DPY19L4: variants seen among roughly 807,000 people sequenced by gnomAD.
DPY19L4 encodes the protein probable C-mannosyltransferase DPY19L4.
In DPY19L4, 97 loss-of-function variants were observed where a neutral mutation model predicts 102.8. That is an observed-to-expected ratio of 0.94 (90% CI 0.80 to 1.12). The LOEUF (loss-of-function observed/expected upper bound fraction) is 1.12. Among genes scored for constraint, DPY19L4 ranks in the 50% most tolerant of loss-of-function variants. The pLI, the probability that DPY19L4 is intolerant of heterozygous loss-of-function variation, is 0.00. For missense variants in DPY19L4, 815 were observed against 850.4 expected (o/e 0.96, Z 0.52); for synonymous variants, 252 against 283.1 (o/e 0.89, Z 1.10).
intron 4 of DPY19L4, 67 bp downstream of exon 4, chr8:94,738,526 T>C (rs1811293623): frequency 9.8e-7 from 1 of 1,022,194 alleles, no homozygotes; most frequent in Non-Finnish European, 1.3e-6. Context: ...CTTTTTTTTT[T>C]TTTTCCGAGA....
intron 6 of DPY19L4, among the ~76,000 whole-genome samples, chr8:94,743,760 C>G (rs1811549962): frequency 1.3e-5 from 2 of 152,210 alleles, no homozygotes; most frequent in South Asian, 4.1e-4. Flanking sequence ...AATCCCAACA[C>G]TTAGGGAGGC....
chr8:94,737,143 G>A (rs564078729), intron 3 of DPY19L4, among the ~76,000 whole-genome samples: 162 of 152,166 alleles, frequency 1.1e-3, no homozygotes, highest in African/African-American at 3.7e-3. Flanking sequence ...TGTTAATTTG[G>A]AAGGTGAGGA....
intron 10 of DPY19L4, 60 bp from the exon 11 acceptor site, chr8:94,766,552 A>G (rs1442934651): frequency 6.7e-7 from 1 of 1,493,430 alleles, no homozygotes. Flanking sequence ...TATTGGGGAA[A>G]GCATATGTTT....
chr8:94,765,386 C>G, intron 9 of DPY19L4, 72 bp downstream of exon 9: 1 of 1,447,242 alleles, frequency 6.9e-7, no homozygotes, highest in Non-Finnish European at 9.4e-7. Flanking sequence ...ACTCTGTTGC[C>G]CAGGCTGGAG....
Position 94,780,412 on chromosome 8 carries a change from A to G in DPY19L4, c.1629A>G (p.Lys543=). 1 of 1,455,952 alleles carries G rather than the reference A, an allele frequency of 6.9e-7. No individual in the cohort carries two copies. Among genetic ancestry groups the G allele is most frequent in the East Asian group, 2.4e-5 (1 of 42,458 alleles). The allele number at this position is 1,455,952 out of a possible 1,614,324, so 90.2% of individuals were successfully genotyped here. A position where few individuals can be genotyped will look rare whatever the true frequency, so the allele number is the denominator to read the frequency against. ...CTATAATAGGTCTCAGCTTATGGAA[A>G]GAGGTAAAAAAATTAGATTTTTATA... ...VPTIIGLSLW[K]EFFPRLMTEL... The change falls in exon 15 of 19, where the codon AAA becomes AAG. Residue 543 remains lysine, a synonymous_variant. Transcript: ENST00000414645.
chr8:94,729,345 C>T (rs1225353395), intron 2 of DPY19L4, among the ~76,000 whole-genome samples: 1 of 151,864 alleles, frequency 6.6e-6, no homozygotes, highest in East Asian at 1.9e-4. Context: ...GCACTCCAGC[C>T]TGGGTGACAG....
chr8:94,722,444 T>G (rs1810506082), intron 1 of DPY19L4, among the ~76,000 whole-genome samples: 1 of 152,140 alleles, frequency 6.6e-6, no homozygotes, highest in South Asian at 2.1e-4. Context: ...GATTTTTGGT[T>G]GTAGAATTAC....
intron 16 of DPY19L4, among the ~76,000 whole-genome samples, chr8:94,783,317 T>C (rs1813513909): frequency 6.6e-6 from 1 of 152,200 alleles, no homozygotes; most frequent in South Asian, 2.1e-4. Flanking sequence ...ATTCACAGTA[T>C]CATCACTGAA....
intron 2 of DPY19L4, among the ~76,000 whole-genome samples, chr8:94,733,034 A>G (rs7824332): frequency 0.74 from 110,278 of 149,852 alleles, 41,959 homozygotes; most frequent in African/African-American, 0.94. Context: ...GTCTGGTTTC[A>G]AACTCATGAG....
intron 8 of DPY19L4, among the ~76,000 whole-genome samples, chr8:94,762,614 C>T (rs1243766803): frequency 8.5e-5 from 13 of 152,192 alleles, no homozygotes; most frequent in East Asian, 3.9e-4. Context: ...AAAAATAGAA[C>T]GTAAGCCAGG....
chr8:94,742,173 A>G (rs1010381927), intron 6 of DPY19L4, among the ~76,000 whole-genome samples: 12 of 152,112 alleles, frequency 7.9e-5, no homozygotes, highest in African/African-American at 2.9e-4. Flanking sequence ...CCTGGCTAAC[A>G]CGGTGAAACG....
intron 13 of DPY19L4, among the ~76,000 whole-genome samples, chr8:94,776,588 C>A (rs1338917650): frequency 6.6e-6 from 1 of 150,638 alleles, no homozygotes; most frequent in East Asian, 1.9e-4. Context: ...TTAATCAATA[C>A]CTATTGAAGA....
chr8:94,743,469 C>T (rs1811533850), intron 6 of DPY19L4, among the ~76,000 whole-genome samples: 1 of 148,798 alleles, frequency 6.7e-6, no homozygotes, highest in African/African-American at 2.5e-5. Context: ...GAGACCTCAT[C>T]ATCTCTACTT....
intron 6 of DPY19L4, among the ~76,000 whole-genome samples, chr8:94,755,631 A>T (rs1249141842): frequency 6.6e-6 from 1 of 152,024 alleles, no homozygotes; most frequent in Non-Finnish European, 1.5e-5. Flanking sequence ...GCGGTGGCTC[A>T]TGCCTGTAAT....
At chr8:94,728,719 G>T (rs1023707222) in intron 2 of DPY19L4, among the ~76,000 whole-genome samples, 2 of 152,124 alleles carry the variant, frequency 1.3e-5, no homozygotes, top group Non-Finnish European at 2.9e-5. Flanking sequence ...TATCATTTTA[G>T]GTAATGAGAT....
Position 94,726,431 on chromosome 8 carries a change from A to T in DPY19L4, c.117A>T (p.Arg39Ser). 1.2e-6 allele frequency: 2 copies of T among 1,607,332 alleles called. No homozygotes were observed. Among genetic ancestry groups the T allele is most frequent in the South Asian group, 1.1e-5 (1 of 88,704 alleles). Residue 39 changes from arginine (R) to serine (S), a missense_variant, in exon 2 of 19, where the codon AGA becomes AGT. Physicochemically the swap from Arg to Ser is moderately radical, Grantham distance 110 (BLOSUM62 -1). Coordinates refer to ENST00000414645, the MANE Select transcript of DPY19L4 (RefSeq NM_181787.3). ...EKISDIPIPERAPKHVLFQRF... is the reference protein window; with the variant it reads ...EKISDIPIPESAPKHVLFQRF... ...TCAGTGACATTCCAATTCCTGAAAGAGCTCCAAAACGTAAGTTAGATAGAC... is the reference window on the plus strand; with the variant it reads ...TCAGTGACATTCCAATTCCTGAAAGTGCTCCAAAACGTAAGTTAGATAGAC...
intron 16 of DPY19L4, among the ~76,000 whole-genome samples, chr8:94,782,564 A>G: frequency 6.6e-6 from 1 of 151,040 alleles, no homozygotes; most frequent in African/African-American, 2.5e-5. Flanking sequence ...GAAATTTATT[A>G]AAGACATAAA....
intron 2 of DPY19L4, among the ~76,000 whole-genome samples, chr8:94,729,944 A>G (rs1380055013): frequency 6.6e-6 from 1 of 152,172 alleles, no homozygotes; most frequent in Non-Finnish European, 1.5e-5. Context: ...AACTACAAAA[A>G]TATATTTTCA....
In DPY19L4 at chr8:94,767,462, T is replaced by G. The variant is rs528617494; in HGVS notation, c.1175+777T>G. On this transcript the variant is annotated intron_variant, in intron 11 of 18. Transcript: ENST00000414645. ...GCACCCGCTACCATGCCCGGCTAAT[T>G]TTTTGTATTTTTAGTAGAGACGGGG... 9.9e-5 allele frequency among the ~76,000 whole-genome samples: 15 copies of G among 151,986 alleles called. No homozygotes were observed. In the East Asian group the frequency reaches 2.7e-3, roughly 28 times the overall value.
Sources: gnomAD v4.1 joint callset for allele counts (sites outside exome capture counted in the v4.1 genomes callset) on GRCh38, gnomAD v4.1.1 for gene constraint, MANE v1.5 for transcripts, NCBI Gene and HGNC (gene_info 2026-07-23, HGNC 2026-07-21) for gene names.